RC3H2: variants seen among roughly 807,000 people sequenced by gnomAD.
RC3H2 encodes the protein roquin-2.
RC3H2 carries 31 observed loss-of-function variants against 133.3 expected under a neutral mutation model. That is an observed-to-expected ratio of 0.23 (90% CI 0.17 to 0.31). The LOEUF (loss-of-function observed/expected upper bound fraction) is 0.31, where lower values mean the gene tolerates loss of function less well. RC3H2 is among the 10% of genes least tolerant of loss of function. The pLI is 1.00. For synonymous variants in RC3H2, 517 were observed against 502.2 expected, an observed-to-expected ratio of 1.03 and a Z score of -0.40; for missense variants, 1,175 against 1,437.2, an observed-to-expected ratio of 0.82 and a Z score of 2.95.
chr9:122,891,037 G>A (rs1255904547), intron 3 of RC3H2, among the ~76,000 whole-genome samples: 1 of 47,948 alleles, frequency 2.1e-5, no homozygotes, highest in South Asian at 6.4e-4. Flanking sequence ...TTTTTTTTTT[G>A]GAGACAGAGT....
At chr9:122,868,895 G>GTGTGT (rs1830916157) in intron 9 of RC3H2, among the ~76,000 whole-genome samples, 1 of 99,614 alleles carries the variant, frequency 1.0e-5, no homozygotes, top group African/African-American at 4.2e-5. Flanking sequence ...GTGTGTATGT[G>GTGTGT]TTTTTTTTTT....
rs140516825 is a variant in RC3H2 at position 122,874,974 on chromosome 9, G to A, written c.1325+2497C>T. The A allele has an allele frequency of 1.6e-4, 84 of 514,408 alleles. No individual in the cohort carries two copies. In the East Asian group the frequency reaches 2.6e-3, roughly 16 times the overall value. The allele number at this position is 514,408 out of a possible 1,614,324, so 31.9% of individuals were successfully genotyped here. A position where few individuals can be genotyped will look rare whatever the true frequency, so the allele number is the denominator to read the frequency against. On this transcript the variant is annotated intron_variant, in intron 9 of 20. Coordinates refer to ENST00000357244, the MANE Select transcript of RC3H2 (RefSeq NM_001100588.3). ...CCTGGGCACTAATTGAGGGTGGAAT[G>A]GCAATGAAACCACAGTTTCTTCTCT...
intron 8 of RC3H2, among the ~76,000 whole-genome samples, chr9:122,878,859 C>T (rs1467634743): frequency 6.6e-6 from 1 of 151,486 alleles, no homozygotes; most frequent in Non-Finnish European, 1.5e-5. Flanking sequence ...AGCGATTCTC[C>T]TGACTCAGCC....
intron 2 of RC3H2, among the ~76,000 whole-genome samples, chr9:122,895,132 T>C (rs760440994): frequency 3.3e-5 from 5 of 151,810 alleles, no homozygotes; most frequent in African/African-American, 4.8e-5. Context: ...TGTTGACCTA[T>C]AGCAGATGCT....
At chr9:122,881,373 C>G (rs1402236290) in intron 5 of RC3H2, among the ~76,000 whole-genome samples, 2 of 150,966 alleles carry the variant, frequency 1.3e-5, no homozygotes, top group Non-Finnish European at 3.0e-5. Context: ...GCCTGTACTC[C>G]CACCTACTCG....
At chr9:122,871,822 ATCTC>A (rs749943392) in intron 9 of RC3H2, among the ~76,000 whole-genome samples, 1 of 152,010 alleles carries the variant, frequency 6.6e-6, no homozygotes, top group South Asian at 2.1e-4. Context: ...CCTTTCTTGC[ATCTC>A]TCTATCTTTA....
chr9:122,890,251 G>C, intron 4 of RC3H2, 61 bp downstream of exon 4: 1 of 1,266,812 alleles, frequency 7.9e-7, no homozygotes, highest in Non-Finnish European at 1.1e-6. Flanking sequence ...CCGAGCTCCA[G>C]AAATTGGCAT....
At chr9:122,898,607 G>C (rs1373705696) in intron 1 of RC3H2, among the ~76,000 whole-genome samples, 1 of 152,058 alleles carries the variant, frequency 6.6e-6, no homozygotes, top group Non-Finnish European at 1.5e-5. Context: ...AAATTAGCCA[G>C]ACGTGGTGGC....
At chr9:122,854,137 A>G (rs1830156324) in intron 17 of RC3H2, 48 bp downstream of exon 17, 4 of 1,611,906 alleles carry the variant, frequency 2.5e-6, no homozygotes, top group East Asian at 4.5e-5. Flanking sequence ...ATAGCTTTCA[A>G]CTGTCATTCT....
In RC3H2 at chr9:122,905,158, C is replaced by T. The variant is rs575506380; in HGVS notation, c.-116G>A. ...CTAAGGGCCGCTCCCGGGAGCCCCG[C>T]GACGGCGCGGCTTGGCGACGGAGGC... is the stretch of plus-strand genomic sequence containing the variant. On this transcript the variant is annotated 5_prime_UTR_variant, in exon 1 of 21. Transcript: ENST00000357244. 44 of 985,446 alleles carry T rather than the reference C, an allele frequency of 4.5e-5. No homozygotes were observed. The South Asian group carries it at 1.6e-3, about 36-fold the overall frequency. The allele number at this position is 985,446 out of a possible 1,614,324, so 61.0% of individuals were successfully genotyped here. A position where few individuals can be genotyped will look rare whatever the true frequency, so the allele number is the denominator to read the frequency against.
chr9:122,885,958 G>A (rs565731931), intron 4 of RC3H2, among the ~76,000 whole-genome samples: 2 of 152,272 alleles, frequency 1.3e-5, no homozygotes, highest in Admixed American at 6.5e-5. Context: ...CACGATCTTC[G>A]CTCACTGCAA....
chr9:122,883,406 C>T (rs758074184), intron 4 of RC3H2, 27 bp from the exon 5 acceptor site: 6 of 1,560,754 alleles, frequency 3.8e-6, no homozygotes, highest in African/African-American at 1.4e-5. Context: ...AACATGAGTT[C>T]ATGACAAATG....
At chr9:122,888,731 T>G (rs1362426683) in intron 4 of RC3H2, among the ~76,000 whole-genome samples, 1 of 152,228 alleles carries the variant, frequency 6.6e-6, no homozygotes, top group Non-Finnish European at 1.5e-5. Flanking sequence ...TAGTACCTTA[T>G]TACGCATAGG....
intron 2 of RC3H2, among the ~76,000 whole-genome samples, chr9:122,894,848 C>A (rs1310853438): frequency 1.3e-5 from 2 of 152,146 alleles, no homozygotes. Context: ...CCACTGCACT[C>A]CAGTCTGGGT....
chr9:122,885,948 C>A (rs943972800), intron 4 of RC3H2, among the ~76,000 whole-genome samples: 3 of 152,190 alleles, frequency 2.0e-5, no homozygotes, highest in Non-Finnish European at 4.4e-5. Context: ...AGTGCAGTGG[C>A]ACGATCTTCG....
Position 122,903,937 on chromosome 9 carries a change from T to C in RC3H2, c.-68+1173A>G, listed in dbSNP as rs944053542. 5.3e-5 allele frequency among the ~76,000 whole-genome samples: 8 copies of C among 152,322 alleles called. No homozygotes were observed. In the South Asian group the frequency reaches 1.4e-3, roughly 28 times the overall value. ...GAATCTATTAATATTCTTAATATCGTAAAAAGCTTTTAACTAAGTTTGTAT... is the reference window on the plus strand; with the variant it reads ...GAATCTATTAATATTCTTAATATCGCAAAAAGCTTTTAACTAAGTTTGTAT... On this transcript the variant is annotated intron_variant, in intron 1 of 20. Coordinates refer to ENST00000357244, the MANE Select transcript of RC3H2 (RefSeq NM_001100588.3).
In RC3H2 at chr9:122,846,652, T is replaced by G. The variant is rs1250437962; in HGVS notation, c.*2975A>C. 2 of 152,190 alleles carry G rather than the reference T, an allele frequency of 1.3e-5. No homozygotes were observed. The highest frequency in any genetic ancestry group is 2.9e-5 in the Non-Finnish European group (2 of 68,022). The allele number at this position is 152,190 out of a possible 1,614,324, so 9.4% of individuals were successfully genotyped here. A position where few individuals can be genotyped will look rare whatever the true frequency, so the allele number is the denominator to read the frequency against. On this transcript the variant is annotated 3_prime_UTR_variant, in exon 21 of 21. Transcript: ENST00000357244. ...GCTTTCCAGACCTCAGACTATTTTT[T>G]CTGATTAGACAATAGGTAACATATG...
chr9:122,863,058 C>A (rs893213237), intron 10 of RC3H2, among the ~76,000 whole-genome samples: 3 of 152,146 alleles, frequency 2.0e-5, no homozygotes, highest in Admixed American at 6.6e-5. Context: ...CAAGAGAAAC[C>A]TGTACCCATT....
chr9:122,896,429 A>G (rs1588114114), intron 2 of RC3H2, among the ~76,000 whole-genome samples: 2 of 152,236 alleles, frequency 1.3e-5, no homozygotes, highest in South Asian at 4.1e-4. Context: ...GTGAATAAAT[A>G]TATATGCTTA....
Sources: gnomAD v4.1 joint callset for allele counts (sites outside exome capture counted in the v4.1 genomes callset) on GRCh38, gnomAD v4.1.1 for gene constraint, MANE v1.5 for transcripts, NCBI Gene and HGNC (gene_info 2026-07-23, HGNC 2026-07-21) for gene names.